The following NEBL variants were observed in gnomAD, a reference collection of about 807,000 sequenced individuals.
NEBL encodes the protein nebulette.
In NEBL, 122 loss-of-function variants were observed where a neutral mutation model predicts 140.2. The ratio of observed to expected loss-of-function variants is 0.87; its 90% CI spans 0.75 to 1.01. NEBL has a LOEUF of 1.01. Ranked by LOEUF, NEBL falls within the 50% of genes least tolerant of loss-of-function variation. The pLI is 0.00. For missense variants in NEBL, 1,365 were observed against 1,231.3 expected (o/e 1.11, Z -1.62); for synonymous variants, 436 against 398.9 (o/e 1.09, Z -1.11).
At chr10:21,097,837 TA>T (rs1382361275) in intron 2 of NEBL, among the ~76,000 whole-genome samples, 3 of 152,174 alleles carry the variant, frequency 2.0e-5, no homozygotes, top group Non-Finnish European at 4.4e-5. Context: ...TGGACTTTTT[TA>T]TGGATGTAAT....
At chr10:21,206,859 C>T (rs776745404) in intron 3 of NEBL, among the ~76,000 whole-genome samples, 2 of 151,564 alleles carry the variant, frequency 1.3e-5, no homozygotes, top group African/African-American at 2.4e-5. Context: ...CACTGGAATT[C>T]AGGACCAGAA....
chr10:21,222,611 G>T (rs1842086367), intron 3 of NEBL, among the ~76,000 whole-genome samples: 1 of 151,926 alleles, frequency 6.6e-6, no homozygotes, highest in Admixed American at 6.6e-5. Context: ...AATTTTTGTG[G>T]GTACATAGTA....
intron 1 of NEBL, among the ~76,000 whole-genome samples, chr10:21,275,471 A>G (rs1842909265): frequency 6.6e-6 from 1 of 152,172 alleles, no homozygotes; most frequent in African/African-American, 2.4e-5. Context: ...AGTGGTGCAG[A>G]GTGCCCACTC....
intron 3 of NEBL, among the ~76,000 whole-genome samples, chr10:21,224,462 T>A (rs1055111920): frequency 6.6e-6 from 1 of 152,226 alleles, no homozygotes; most frequent in African/African-American, 2.4e-5. Flanking sequence ...CCTCTAGTTT[T>A]GTTCTTTTTG....
At chr10:20,903,142 CATATT>C (rs1847941823) in intron 4 of NEBL, among the ~76,000 whole-genome samples, 1 of 152,106 alleles carries the variant, frequency 6.6e-6, no homozygotes, top group Non-Finnish European at 1.5e-5. Flanking sequence ...AAACTCTATA[CATATT>C]ATGTTTTTCC....
chr10:20,952,963 A>G (rs973565908), intron 4 of NEBL, among the ~76,000 whole-genome samples: 23 of 151,862 alleles, frequency 1.5e-4, no homozygotes, highest in African/African-American at 5.1e-4. Context: ...AGAAAAAACA[A>G]GAAATTAGCT....
chr10:21,274,536 G>A (rs902644284), intron 1 of NEBL, among the ~76,000 whole-genome samples: 5 of 151,954 alleles, frequency 3.3e-5, no homozygotes, highest in South Asian at 2.1e-4. Context: ...AACAATTCTC[G>A]TGCCTCAGCC....
At chr10:21,262,119 T>A (rs953832079) in intron 1 of NEBL, among the ~76,000 whole-genome samples, 1 of 152,176 alleles carries the variant, frequency 6.6e-6, no homozygotes, top group African/African-American at 2.4e-5. Flanking sequence ...ACACGCCTGG[T>A]GATCCCTGGC....
chr10:21,037,442 G>GA (rs5783762), intron 2 of NEBL, among the ~76,000 whole-genome samples: 1 of 151,386 alleles, frequency 6.6e-6, no homozygotes, highest in African/African-American at 2.4e-5. Context: ...AAATTGCAAA[G>GA]AAAAAAAATG....
intron 3 of NEBL, among the ~76,000 whole-genome samples, chr10:21,206,498 G>T (rs1303803530): frequency 6.6e-6 from 1 of 152,160 alleles, no homozygotes; most frequent in African/African-American, 2.4e-5. Flanking sequence ...ATCTAACCAG[G>T]GGGGTAGAAA....
chr10:21,160,077 G>A (rs975692007), intron 2 of NEBL, among the ~76,000 whole-genome samples: 1 of 152,142 alleles, frequency 6.6e-6, no homozygotes, highest in African/African-American at 2.4e-5. Context: ...CCAGACTTGG[G>A]AAGCTTGCTA....
intron 3 of NEBL, among the ~76,000 whole-genome samples, chr10:20,992,174 T>C (rs1025342650): frequency 6.6e-6 from 1 of 152,244 alleles, no homozygotes; most frequent in South Asian, 2.1e-4. Flanking sequence ...CTTTGCTAAT[T>C]AGTAGTAATT....
chr10:21,120,405 TATATATATATATATATA>T (rs1838498924), intron 2 of NEBL, among the ~76,000 whole-genome samples: 1 of 122,286 alleles, frequency 8.2e-6, no homozygotes, highest in African/African-American at 3.6e-5. Flanking sequence ...TATATATATA[TATATATATATATATATA>T]TAAATTTGAT....
At chr10:21,132,149 C>T (rs548857820) in intron 2 of NEBL, among the ~76,000 whole-genome samples, 1 of 152,278 alleles carries the variant, frequency 6.6e-6, no homozygotes, top group African/African-American at 2.4e-5. Flanking sequence ...TATCCCTATT[C>T]TCCAAGAACC....
chr10:20,878,355 G>A (rs895568494), intron 5 of NEBL, among the ~76,000 whole-genome samples: 3 of 152,138 alleles, frequency 2.0e-5, no homozygotes, highest in African/African-American at 4.8e-5. Context: ...CACATATAAT[G>A]ACACACTTTT....
At chr10:21,131,695 A>G (rs1164212672) in intron 2 of NEBL, among the ~76,000 whole-genome samples, 2 of 123,870 alleles carry the variant, frequency 1.6e-5, no homozygotes, top group Non-Finnish European at 3.8e-5. Flanking sequence ...CACTGCTTCA[A>G]GATTGAAACA....
intron 17 of NEBL, among the ~76,000 whole-genome samples, chr10:20,827,318 C>T (rs1839971948): frequency 6.6e-6 from 1 of 152,220 alleles, no homozygotes; most frequent in African/African-American, 2.4e-5. Context: ...TAGAATCACA[C>T]AGCCTCTTTT....
intron 2 of NEBL, among the ~76,000 whole-genome samples, chr10:21,056,291 T>C (rs2119239): frequency 0.4 from 61,160 of 152,064 alleles, 12,354 homozygotes; most frequent in Middle Eastern, 0.47. Flanking sequence ...TAAAACCTAA[T>C]ATAGAGTACT....
intron 3 of NEBL, among the ~76,000 whole-genome samples, chr10:20,991,631 A>G (rs1446027354): frequency 1.3e-5 from 2 of 149,490 alleles, no homozygotes; most frequent in South Asian, 2.1e-4. Context: ...TTCTATTTTT[A>G]TATTCAGGGG....
Sources: gnomAD v4.1 joint callset for allele counts (sites outside exome capture counted in the v4.1 genomes callset) on GRCh38, gnomAD v4.1.1 for gene constraint, MANE v1.5 for transcripts, NCBI Gene and HGNC (gene_info 2026-07-23, HGNC 2026-07-21) for gene names.